MUC5AC: variants seen among roughly 807,000 people sequenced by gnomAD.
MUC5AC encodes mucin 5AC, oligomeric mucus/gel-forming, also known as mucin-5AC.
A neutral mutation model predicts 169.7 loss-of-function variants in MUC5AC; 158 were observed. That is an observed-to-expected ratio of 0.93 (90% CI 0.82 to 1.06). The LOEUF (loss-of-function observed/expected upper bound fraction) is 1.06, where lower values mean the gene tolerates loss of function less well. MUC5AC is among the 50% of genes least tolerant of loss of function. The probability of loss-of-function intolerance (pLI) is 0.00; values close to 1 mark genes in which losing one functional copy is unlikely to be tolerated. For missense variants in MUC5AC, 4,359 were observed against 3,089.9 expected (o/e 1.41, Z -9.74); for synonymous variants, 1,975 against 1,237.0 (o/e 1.60, Z -12.52).
chr11:1,194,289 A>C lies in MUC5AC; in HGVS notation c.14935A>C (p.Ile4979Leu). ...GGACGGGCTCTCCTGCCCGAGGTCC[A>C]TCATCCTGGAGTACCACCAGGACCG... ...AEDGLSCPRS[I>L]ILEYHQDRVV... Residue 4979 changes from isoleucine (I) to leucine (L), a missense_variant, in exon 34 of 49, where the codon ATC (isoleucine) becomes CTC (leucine). By Grantham distance (5) the Ile-to-Leu change is conservative (BLOSUM62 2). Coordinates refer to ENST00000621226, the MANE Select transcript of MUC5AC (RefSeq NM_001304359.2). 2 of 760,286 alleles carry C rather than the reference A, an allele frequency of 2.6e-6. No individual in the cohort carries two copies. Among genetic ancestry groups the C allele is most frequent in the Non-Finnish European group, 4.8e-6 (2 of 416,076 alleles). The allele number at this position is 760,286 out of a possible 1,614,324, so 47.1% of individuals were successfully genotyped here. A position where few individuals can be genotyped will look rare whatever the true frequency, so the allele number is the denominator to read the frequency against.
chr11:1,197,321 C>G (rs1042303754), intron 40 of MUC5AC, 147 bp from the exon 41 acceptor site: 18 of 617,688 alleles, frequency 2.9e-5, no homozygotes, highest in Non-Finnish European at 5.9e-6. Context: ...CTACCCTGCA[C>G]TTTTGAAGCC....
chr11:1,158,530 G>A (rs990625057), intron 1 of MUC5AC, among the ~76,000 whole-genome samples: 9 of 152,240 alleles, frequency 5.9e-5, no homozygotes, highest in Admixed American at 2.6e-4. Context: ...TCCTGCGGGG[G>A]GAGGTCTCAG....
intron 12 of MUC5AC, among the ~76,000 whole-genome samples, 155 bp downstream of exon 12, chr11:1,168,142 G>C (rs28464760): frequency 0.3 from 46,134 of 152,072 alleles, 8,282 homozygotes; most frequent in African/African-American, 0.5. Flanking sequence ...ATGGGTCCAC[G>C]TGACTGTCCC....
chr11:1,177,049 G>A lies in MUC5AC; in HGVS notation c.2776G>A (p.Glu926Lys). 2.5e-6 allele frequency: 1 copy of A among 398,768 alleles called. No individual in the cohort carries two copies. The highest frequency in any genetic ancestry group is 4.4e-6 in the Non-Finnish European group (1 of 226,132). 24.7% of individuals were successfully genotyped at this position (398,768 alleles called of 1,614,324 possible). ...GAGCTACAGCTTCAACGGAGACTGC[G>A]AGTACACGCTGGTGCAGGTGAGCCG... ...GQSYSFNGDC[E>K]YTLVQNHCGG... Residue 926 changes from glutamate (E) to lysine (K), a missense_variant, in exon 22 of 49, where the codon GAG (glutamate) becomes AAG (lysine). Physicochemically the swap from Glu to Lys is moderately conservative, Grantham distance 56 (BLOSUM62 1). Coordinates refer to ENST00000621226, the MANE Select transcript of MUC5AC (RefSeq NM_001304359.2).
rs1262816602 is a variant in MUC5AC, at chr11:1,187,480, C to A, written c.9335C>A (p.Ser3112Tyr). The A allele has an allele frequency of 2.6e-5, 19 of 734,584 alleles. No individual in the cohort carries two copies. The highest frequency in any genetic ancestry group is 5.6e-5 in the Admixed American group (3 of 53,886). 45.5% of individuals were successfully genotyped at this position (734,584 alleles called of 1,614,324 possible). A position where few individuals can be genotyped will look rare whatever the true frequency, so the allele number is the denominator to read the frequency against. Residue 3112 changes from serine to tyrosine, a missense_variant, in exon 31 of 49, where the codon TCT (serine) becomes TAT (tyrosine). Physicochemically the swap from Ser to Tyr is moderately radical, Grantham distance 144. Coordinates refer to ENST00000621226, the MANE Select transcript of MUC5AC (RefSeq NM_001304359.2). ...SAPTTSTTSA[S>Y]TASKTSGLGT... ...CCTACAACCAGCACAACCTCTGCCT[C>A]TACAGCCAGCAAAACCTCTGGTCTT...
chr11:1,178,554 G>A lies in MUC5AC; in HGVS notation c.3198G>A (p.Lys1066=), dbSNP rs1860740023. The A allele has an allele frequency of 7.2e-7, 1 of 1,379,444 alleles. No individual in the cohort carries two copies. The highest frequency in any genetic ancestry group is 1.5e-5 in the African/African-American group (1 of 66,836). 85.5% of individuals were successfully genotyped at this position (1,379,444 alleles called of 1,614,324 possible). The change falls in exon 25 of 49, where the codon AAG becomes AAA. Residue 1066 remains lysine, a synonymous_variant. Transcript: ENST00000621226. The part of the protein sequence containing the change: ...GDVLEFGNSW[K]LSPSCPDALA... Reference sequence around the variant, plus strand: ...TGCTGGAGTTTGGGAACAGCTGGAAGCTCTCCCCCTCCTGCCCAGATGCCC... The same window carrying A: ...TGCTGGAGTTTGGGAACAGCTGGAAACTCTCCCCCTCCTGCCCAGATGCCC...
intron 19 of MUC5AC, among the ~76,000 whole-genome samples, chr11:1,175,645 C>G (rs1442100471): frequency 2.1e-5 from 3 of 145,062 alleles, no homozygotes; most frequent in Non-Finnish European, 4.5e-5. Flanking sequence ...ATGCAACACT[C>G]ACACACCCAC....
intron 40 of MUC5AC, 67 bp from the exon 41 acceptor site, chr11:1,197,401 C>T (rs1038997103): frequency 8.8e-6 from 6 of 685,560 alleles, no homozygotes; most frequent in Admixed American, 2.0e-5. Context: ...CTGCATGAGC[C>T]GGGGTGGCTG....
chr11:1,199,787 G>A lies in MUC5AC; in HGVS notation c.16585+23G>A, dbSNP rs186111761. ...ACCGTGAGTACCCAGCCTGCTGGGC[G>A]GGGCGGGCTCCACCCTCAGAGGTCT... On this transcript the variant is annotated intron_variant, in intron 47 of 48. Transcript: ENST00000621226. 311 of 722,696 alleles carry A rather than the reference G, an allele frequency of 4.3e-4. 2 individuals are homozygous for A. In the African/African-American group the frequency reaches 4.6e-3, roughly 11 times the overall value. 44.8% of individuals were successfully genotyped at this position (722,696 alleles called of 1,614,324 possible).
At chr11:1,179,715 C>T (rs985695549) in intron 26 of MUC5AC, among the ~76,000 whole-genome samples, 37,491 of 133,906 alleles carry the variant, frequency 0.28, 6,973 homozygotes, top group African/African-American at 0.47. Context: ...GCGTGGCTGA[C>T]GGGTCGCTGG....
chr11:1,158,750 G>T (rs1210199138), intron 1 of MUC5AC, among the ~76,000 whole-genome samples: 1 of 152,152 alleles, frequency 6.6e-6, no homozygotes, highest in Non-Finnish European at 1.5e-5. Context: ...GGGGTTTGGA[G>T]GGGGGTGGGT....
At position 1,164,290 on chromosome 11, in the gene MUC5AC, C is replaced by T; in HGVS notation, c.974C>T (p.Pro325Leu). Residue 325 changes from proline to leucine, a missense_variant, in exon 8 of 49, where the codon CCC (proline) becomes CTC (leucine). By Grantham distance (98) the Pro-to-Leu change is moderately conservative. Coordinates refer to ENST00000621226, the MANE Select transcript of MUC5AC (RefSeq NM_001304359.2). ...CAGTGCACCCATGCAGGGGGGTTGC[C>T]CCAGGACTGGCGGGGCCCTGACTTC... ...SRQCTHAGGL[P>L]QDWRGPDFCP... is the part of the protein sequence containing the mutation. 1 of 1,612,536 alleles carries T rather than the reference C, an allele frequency of 6.2e-7. No individual in the cohort carries two copies. The highest frequency in any genetic ancestry group is 8.5e-7 in the Non-Finnish European group (1 of 1,179,862).
chr11:1,183,574 A>G lies in MUC5AC; in HGVS notation c.5429A>G (p.Gln1810Arg), dbSNP rs1160246293. 2.4e-5 allele frequency: 15 copies of G among 637,924 alleles called. No individual in the cohort carries two copies. The highest frequency in any genetic ancestry group is 5.7e-5 in the South Asian group (3 of 52,330). 39.5% of individuals were successfully genotyped at this position (637,924 alleles called of 1,614,324 possible). Residue 1810 changes from glutamine (Q) to arginine (R), a missense_variant, in exon 31 of 49, where the codon CAG (glutamine) becomes CGG (arginine). Coordinates refer to ENST00000621226, the MANE Select transcript of MUC5AC (RefSeq NM_001304359.2). ...VSIEHLGQVV[Q>R]CSREEGLVCR... ...ATCGAACACCTGGGCCAGGTGGTGC[A>G]GTGCAGCCGGGAAGAGGGCCTGGTG...
intron 19 of MUC5AC, 76 bp downstream of exon 19, chr11:1,175,346 G>T: frequency 2.5e-6 from 1 of 398,560 alleles, no homozygotes; most frequent in East Asian, 3.6e-5. Context: ...TGGCTTCAGG[G>T]TTAGCCCCAC....
intron 2 of MUC5AC, 53 bp downstream of exon 2, chr11:1,160,742 C>T: frequency 6.5e-7 from 1 of 1,539,604 alleles, no homozygotes; most frequent in Non-Finnish European, 8.8e-7. Flanking sequence ...CCACCCTCCA[C>T]CGTGTGGCAC....
rs747797828 is a variant in MUC5AC, at chr11:1,200,991, G to A, written c.*289G>A. The A allele has an allele frequency of 9.7e-5, 31 of 321,002 alleles. No homozygotes were observed. The Middle Eastern group carries it at 3.3e-3, about 34-fold the overall frequency. 19.9% of individuals were successfully genotyped at this position (321,002 alleles called of 1,614,324 possible). ...TTCTGGGGACGTGAGCATCACCTGA[G>A]GGTCTCAGGAATGACGCTTGGACAT... On this transcript the variant is annotated 3_prime_UTR_variant, in exon 49 of 49. Transcript: ENST00000621226.
intron 5 of MUC5AC, 132 bp from the exon 6 acceptor site, chr11:1,162,823 C>CCCA: frequency 9.6e-7 from 1 of 1,044,090 alleles, no homozygotes; most frequent in South Asian, 1.4e-5. Context: ...GGTCTGTGCC[C>CCCA]CCAGGATGGA....
At position 1,187,207 on chromosome 11, in the gene MUC5AC, C is replaced by T. The variant is rs1399225592; in HGVS notation, c.9062C>T (p.Thr3021Ile). ...CCCTCTGCCCCTACAACCAGCACAACCTTAGCTCCTACAACCAGCACAACC... is the reference window on the plus strand; with the variant it reads ...CCCTCTGCCCCTACAACCAGCACAATCTTAGCTCCTACAACCAGCACAACC... ...STPSAPTTST[T>I]LAPTTSTTSA... Residue 3021 changes from threonine (T) to isoleucine (I), a missense_variant, in exon 31 of 49, where the codon ACC becomes ATC. Physicochemically the swap from Thr to Ile is moderately conservative, Grantham distance 89. Transcript: ENST00000621226. 3.0e-5 allele frequency: 21 copies of T among 701,264 alleles called. No homozygotes were observed. Among genetic ancestry groups the T allele is most frequent in the Non-Finnish European group, 4.9e-5 (19 of 385,612 alleles). 43.4% of individuals were successfully genotyped at this position (701,264 alleles called of 1,614,324 possible). A position where few individuals can be genotyped will look rare whatever the true frequency, so the allele number is the denominator to read the frequency against.
At chr11:1,181,089 G>A (rs1305060048) in intron 28 of MUC5AC, 50 bp from the exon 29 acceptor site, 5 of 398,550 alleles carry the variant, frequency 1.3e-5, no homozygotes, top group East Asian at 1.1e-4. Flanking sequence ...GCCCGTGGAA[G>A]GCACACGGCC....
Sources: allele counts gnomAD v4.1 joint callset (sites outside exome capture counted in the v4.1 genomes callset), GRCh38; gene constraint gnomAD v4.1.1; transcripts MANE v1.5; gene names NCBI Gene and HGNC (gene_info 2026-07-23, HGNC 2026-07-21).